Variants in NF1 observed in about 807,000 individuals in gnomAD.
NF1 encodes the protein neurofibromin 1.
A neutral mutation model predicts 325.7 loss-of-function variants in NF1; 122 were observed. That is an observed-to-expected ratio of 0.37 (90% CI 0.32 to 0.44). NF1 has a LOEUF of 0.44. Among genes scored for constraint, NF1 ranks in the 20% least tolerant of loss-of-function variants. The pLI is 1.00. For synonymous variants in NF1, 1,091 were observed against 1,186.0 expected, an observed-to-expected ratio of 0.92 and a Z score of 1.65; for missense variants, 2,140 against 3,415.4, an observed-to-expected ratio of 0.63 and a Z score of 9.31.
chr17:31,115,340 G>A lies in NF1; in HGVS notation c.60+19971G>A, dbSNP rs1034889999. Among the ~76,000 whole-genome samples, 6 of 152,136 alleles carry A rather than the reference G, an allele frequency of 3.9e-5. No homozygotes were observed. In the South Asian group the frequency reaches 1.2e-3, roughly 32 times the overall value. On this transcript the variant is annotated intron_variant, in intron 1 of 57. Transcript: ENST00000358273. ...AGAAATTCTGATTTAGTGGTATGGA[G>A]GCAGTGGTCATGAGGTAGTTGTTAC...
intron 27 of NF1, among the ~76,000 whole-genome samples, chr17:31,235,095 C>G (rs1451068451): frequency 6.6e-6 from 1 of 152,070 alleles, no homozygotes; most frequent in Non-Finnish European, 1.5e-5. Flanking sequence ...TCTGAATGCC[C>G]AATTCCTTTT....
Position 31,327,513 on chromosome 17 carries a change from T to G in NF1, c.5283T>G (p.Ala1761=). Residue 1761 remains alanine, a synonymous_variant, in exon 38 of 58, where the codon GCT becomes GCG. Coordinates refer to ENST00000358273, the MANE Select transcript of NF1 (RefSeq NM_001042492.3). ...TKVSIKVGST[A]VQVTSAERTK... is the part of the protein sequence containing the mutation. ...CCACTTTCCAGGTTGGTTCTACTGC[T>G]GTCCAAGTAACTTCAGCAGAGCGAA... is the stretch of plus-strand genomic sequence containing the variant. The G allele has an allele frequency of 6.2e-7, 1 of 1,613,672 alleles. No individual in the cohort carries two copies. Among genetic ancestry groups the G allele is most frequent in the South Asian group, 1.1e-5 (1 of 91,084 alleles).
chr17:31,115,606 T>G (rs2143332450), intron 1 of NF1, among the ~76,000 whole-genome samples: 1 of 152,374 alleles, frequency 6.6e-6, no homozygotes, highest in African/African-American at 2.4e-5. Context: ...TCTTCAGTAG[T>G]CCATTCTGTT....
intron 1 of NF1, among the ~76,000 whole-genome samples, chr17:31,127,379 G>T (rs1205112692): frequency 1.3e-5 from 2 of 151,922 alleles, no homozygotes; most frequent in Non-Finnish European, 2.9e-5. Context: ...TGATATTGAG[G>T]CTTCCTATTT....
At chr17:31,318,571 A>G (rs1175433701) in intron 36 of NF1, 3 of 1,614,014 alleles carry the variant, frequency 1.9e-6, no homozygotes, top group Non-Finnish European at 2.5e-6. Flanking sequence ...AAAGGTACAG[A>G]TAAGAAAAAG....
intron 37 of NF1, among the ~76,000 whole-genome samples, 153 bp downstream of exon 37, chr17:31,326,405 T>A (rs1172978226): frequency 6.6e-6 from 1 of 152,160 alleles, no homozygotes; most frequent in East Asian, 1.9e-4. Flanking sequence ...CCAAGCACTT[T>A]GGGATGTCAA....
chr17:31,099,819 C>T (rs1912140516), intron 1 of NF1, among the ~76,000 whole-genome samples: 1 of 152,032 alleles, frequency 6.6e-6, no homozygotes, highest in Non-Finnish European at 1.5e-5. Context: ...CCTTGGCCTC[C>T]CAAAGTGCTG....
At chr17:31,232,565 T>G in intron 25 of NF1, 135 bp from the exon 26 acceptor site, 2 of 836,930 alleles carry the variant, frequency 2.4e-6, no homozygotes, top group Non-Finnish European at 3.9e-6. Context: ...CCCTGGCTGA[T>G]TATCGCGAGA....
intron 49 of NF1, 94 bp downstream of exon 49, chr17:31,349,345 C>CGTG: frequency 7.8e-7 from 1 of 1,280,786 alleles, no homozygotes; most frequent in South Asian, 1.3e-5. Flanking sequence ...TTGGCGGTTG[C>CGTG]GTGGCAGAGC....
At chr17:31,349,280 C>T (rs2151573076) in intron 49 of NF1, 29 bp downstream of exon 49, 2 of 1,604,226 alleles carry the variant, frequency 1.2e-6, no homozygotes, top group Non-Finnish European at 8.5e-7. Context: ...CAAAATTAAT[C>T]TTGCTACATC....
At chr17:31,232,332 G>T in intron 25 of NF1, 143 bp downstream of exon 25, 1 of 656,584 alleles carries the variant, frequency 1.5e-6, no homozygotes, top group Non-Finnish European at 2.7e-6. Context: ...AAAGTAATAT[G>T]ATCAGTGAAA....
At chr17:31,235,096 A>C (rs2067177787) in intron 27 of NF1, among the ~76,000 whole-genome samples, 1 of 152,098 alleles carries the variant, frequency 6.6e-6, no homozygotes, top group African/African-American at 2.4e-5. Flanking sequence ...CTGAATGCCC[A>C]ATTCCTTTTC....
At chr17:31,244,264 G>A (rs2067353607) in intron 29 of NF1, among the ~76,000 whole-genome samples, 1 of 152,150 alleles carries the variant, frequency 6.6e-6, no homozygotes, top group South Asian at 2.1e-4. Flanking sequence ...GCTACAAGCT[G>A]AGCTGAGCTG....
At chr17:31,167,903 A>C (rs1168660045) in intron 4 of NF1, among the ~76,000 whole-genome samples, 1 of 152,194 alleles carries the variant, frequency 6.6e-6, no homozygotes, top group Admixed American at 6.5e-5. Flanking sequence ...TCTGTGAAGT[A>C]GGGATATTAA....
intron 1 of NF1, among the ~76,000 whole-genome samples, chr17:31,097,735 C>T (rs1014730911): frequency 1.3e-5 from 2 of 151,776 alleles, no homozygotes; most frequent in African/African-American, 2.4e-5. Context: ...CTTGCTCTGT[C>T]GCCCACGCTG....
At position 31,107,465 on chromosome 17, in the gene NF1, A is replaced by C. The variant is rs1424239236; in HGVS notation, c.60+12096A>C. ...TTTTTTGTAGAGACGAGGTTTCGCC[A>C]TCTTGCCCAGGCTGGTCTTGAATTC... On this transcript the variant is annotated intron_variant, in intron 1 of 57. Transcript: ENST00000358273. Among the ~76,000 whole-genome samples the C allele has an allele frequency of 3.3e-5, 5 of 152,168 alleles. No homozygotes were observed. In the East Asian group the frequency reaches 9.7e-4, roughly 29 times the overall value.
At chr17:31,206,125 TG>T in intron 11 of NF1, 114 bp from the exon 12 acceptor site, 1 of 1,122,114 alleles carries the variant, frequency 8.9e-7, no homozygotes, top group Non-Finnish European at 1.4e-6. Flanking sequence ...TGTGTTTGCA[TG>T]GTCTTAGAAA....
intron 1 of NF1, chr17:31,133,446 T>C (rs1915538765): frequency 6.6e-6 from 1 of 152,212 alleles, no homozygotes; most frequent in African/African-American, 2.4e-5. Flanking sequence ...TGAACATGGG[T>C]GTGCAGATAC....
Position 31,214,559 on chromosome 17 carries a change from C to T in NF1, c.1501C>T (p.His501Tyr), listed in dbSNP as rs2143960321. 1.2e-6 allele frequency: 2 copies of T among 1,612,930 alleles called. No individual in the cohort carries two copies. The highest frequency in any genetic ancestry group is 1.7e-6 in the Non-Finnish European group (2 of 1,179,246). The part of the protein sequence containing the change: ...YLLLSMVKLI[H>Y]ADPKLLLCNP... ...TCTCTTGTCCATGGTGAAACTAATT[C>T]ATGCAGATCCAAAGCTCTTGCTTTG... The change falls in exon 13 of 58, where the codon CAT becomes TAT. Residue 501 changes from histidine (H) to tyrosine (Y), a missense_variant. Physicochemically the swap from His to Tyr is moderately conservative, Grantham distance 83 (BLOSUM62 2). Around this residue, in one of 10 missense-constraint regions of NF1, gnomAD observed 179 missense variants for 381.0 expected, o/e 0.47. Transcript: ENST00000358273.
Sources: allele counts gnomAD v4.1 joint callset (sites outside exome capture counted in the v4.1 genomes callset), GRCh38; gene constraint gnomAD v4.1.1; regional missense constraint gnomAD v4.1.1; transcripts MANE v1.5; gene names NCBI Gene and HGNC (gene_info 2026-07-23, HGNC 2026-07-21).